MYO16: variants seen among roughly 807,000 people sequenced by gnomAD.
The protein encoded by MYO16 is myosin XVI, also known as unconventional myosin-XVI.
MYO16 carries 94 observed loss-of-function variants against 205.3 expected under a neutral mutation model. The ratio of observed to expected loss-of-function variants is 0.46; its 90% CI spans 0.39 to 0.54. MYO16 has a LOEUF of 0.54. Ranked by LOEUF, MYO16 falls within the 20% of genes least tolerant of loss-of-function variation. The pLI is 0.00. For synonymous variants in MYO16, 988 were observed against 954.0 expected (o/e 1.04, Z -0.66); for missense variants, 2,315 against 2,387.5 (o/e 0.97, Z 0.63).
chr13:108,650,922 A>C (rs992216397), intron 1 of MYO16, among the ~76,000 whole-genome samples: 1 of 152,220 alleles, frequency 6.6e-6, no homozygotes, highest in Non-Finnish European at 1.5e-5. Context: ...AGAAATTGTC[A>C]TCTGATAAGT....
intron 20 of MYO16, among the ~76,000 whole-genome samples, chr13:108,974,447 C>A (rs1437355450): frequency 6.6e-6 from 1 of 152,042 alleles, no homozygotes; most frequent in Non-Finnish European, 1.5e-5. Context: ...TCTGGGGATT[C>A]ATTGTTCCTC....
chr13:108,865,485 A>G (rs1878666288), intron 11 of MYO16, among the ~76,000 whole-genome samples: 1 of 151,456 alleles, frequency 6.6e-6, no homozygotes, highest in Non-Finnish European at 1.5e-5. Context: ...TGCTGTTATT[A>G]TTGTTTGCAT....
chr13:108,616,758 G>C (rs1316329992), intron 1 of MYO16, among the ~76,000 whole-genome samples: 1 of 152,116 alleles, frequency 6.6e-6, no homozygotes, highest in Non-Finnish European at 1.5e-5. Context: ...CAGTACAAAA[G>C]TGTAGAAAGA....
At chr13:108,992,561 GTACTC>G (rs1047944506) in intron 21 of MYO16, 113 bp downstream of exon 21, 19 of 599,916 alleles carry the variant, frequency 3.2e-5, no homozygotes, top group East Asian at 2.4e-4. Flanking sequence ...ATTAAAATAA[GTACTC>G]TAATGTTTTA....
intron 1 of MYO16, among the ~76,000 whole-genome samples, chr13:108,663,312 T>TC (rs1881584403): frequency 7.4e-6 from 1 of 134,300 alleles, no homozygotes; most frequent in African/African-American, 3.0e-5. Flanking sequence ...ATTCTTTCTT[T>TC]ATTTTTTTTT....
chr13:109,191,196 G>C (rs575303046), intron 34 of MYO16, among the ~76,000 whole-genome samples: 1 of 151,938 alleles, frequency 6.6e-6, no homozygotes, highest in African/African-American at 2.4e-5. Flanking sequence ...TCCAGCCTGG[G>C]GGACAAGAGC....
chr13:108,557,787 G>A, the MYO16 span, among the ~76,000 whole-genome samples: 1 of 152,058 alleles, frequency 6.6e-6, no homozygotes, highest in African/African-American at 2.4e-5. Flanking sequence ...ACTCATTTTA[G>A]CACTAGATCT....
At chr13:108,553,052 T>C in the MYO16 span, among the ~76,000 whole-genome samples, 1 of 132,084 alleles carries the variant, frequency 7.6e-6, no homozygotes, top group Non-Finnish European at 1.6e-5. Flanking sequence ...AGAGTCTTGC[T>C]CTGTCACCCA....
the MYO16 span, among the ~76,000 whole-genome samples, chr13:108,516,288 A>C: frequency 1.3e-5 from 2 of 150,736 alleles, no homozygotes; most frequent in African/African-American, 2.4e-5. Context: ...GAACTTCCTG[A>C]CCCCTTGCGC....
At chr13:108,706,260 T>G (rs1883504712) in intron 2 of MYO16, among the ~76,000 whole-genome samples, 1 of 152,126 alleles carries the variant, frequency 6.6e-6, no homozygotes, top group South Asian at 2.1e-4. Context: ...AACAGTTGAT[T>G]GTACGTGGCT....
At chr13:108,677,668 C>T (rs1308475501) in intron 2 of MYO16, among the ~76,000 whole-genome samples, 1 of 151,888 alleles carries the variant, frequency 6.6e-6, no homozygotes, top group East Asian at 1.9e-4. Flanking sequence ...GTCAATTTCT[C>T]GCGCCATACA....
intron 1 of MYO16, among the ~76,000 whole-genome samples, chr13:108,636,533 C>A (rs1880260525): frequency 1.3e-5 from 2 of 151,834 alleles, no homozygotes; most frequent in Admixed American, 6.6e-5. Flanking sequence ...GTGCATACCA[C>A]AACACCGAGC....
intron 14 of MYO16, among the ~76,000 whole-genome samples, chr13:108,892,706 C>T (rs1286297716): frequency 6.6e-6 from 1 of 152,158 alleles, no homozygotes; most frequent in African/African-American, 2.4e-5. Flanking sequence ...ATAACAGAAA[C>T]TGATGACTTA....
intron 23 of MYO16, among the ~76,000 whole-genome samples, chr13:109,034,035 A>C (rs905620868): frequency 1.3e-5 from 2 of 152,158 alleles, no homozygotes; most frequent in African/African-American, 4.8e-5. Context: ...AAAAGGGCAC[A>C]GATTCATTCG....
chr13:108,834,948 A>G (rs1482059073), intron 9 of MYO16, among the ~76,000 whole-genome samples: 2 of 152,176 alleles, frequency 1.3e-5, no homozygotes, highest in African/African-American at 4.8e-5. Flanking sequence ...TTAAAGAAAG[A>G]GAGAAACCTA....
At chr13:108,809,431 A>G (rs574032009) in intron 7 of MYO16, among the ~76,000 whole-genome samples, 6 of 152,302 alleles carry the variant, frequency 3.9e-5, no homozygotes, top group African/African-American at 1.4e-4. Flanking sequence ...TGCAGACTGT[A>G]CAAGCATGGC....
chr13:108,856,231 A>G (rs1878164479), intron 11 of MYO16, among the ~76,000 whole-genome samples: 1 of 152,086 alleles, frequency 6.6e-6, no homozygotes, highest in Non-Finnish European at 1.5e-5. Flanking sequence ...TGATTTTGTT[A>G]TATTCTACAC....
chr13:109,197,061 A>G lies in MYO16; in HGVS notation c.5416-9548A>G, dbSNP rs151276255. ...TAAGTTTATTTGATCCCTTAACCCT[A>G]AGGCACTGCATTCTTTGGCCACCAG... On this transcript the variant is annotated intron_variant, in intron 34 of 34. Transcript: ENST00000457511. Among the ~76,000 whole-genome samples, 140 of 152,254 alleles carry G rather than the reference A, an allele frequency of 9.2e-4. 2 individuals carry two copies. Among genetic ancestry groups the G allele is most frequent in the Non-Finnish European group, 1.7e-3 (117 of 68,006 alleles).
intron 28 of MYO16, among the ~76,000 whole-genome samples, chr13:109,111,778 C>T (rs935072403): frequency 1.1e-4 from 17 of 151,944 alleles, no homozygotes; most frequent in African/African-American, 3.9e-4. Context: ...CCTCCGCCTC[C>T]CAGGTTCAAG....
Sources: gnomAD v4.1 joint callset for allele counts (sites outside exome capture counted in the v4.1 genomes callset) on GRCh38, gnomAD v4.1.1 for gene constraint, MANE v1.5 for transcripts, NCBI Gene and HGNC (gene_info 2026-07-23, HGNC 2026-07-21) for gene names.